SEMA6D: variants seen among roughly 807,000 people sequenced by gnomAD.
SEMA6D encodes semaphorin 6D.
SEMA6D carries 35 observed loss-of-function variants against 106.6 expected under a neutral mutation model. The observed-to-expected ratio is 0.33, with a 90% CI of 0.25 to 0.44. SEMA6D has a LOEUF of 0.44. Among genes scored for constraint, SEMA6D ranks in the 20% least tolerant of loss-of-function variants. The pLI, the probability that SEMA6D is intolerant of heterozygous loss-of-function variation, is 1.00. For synonymous variants in SEMA6D, 499 were observed against 487.7 expected (o/e 1.02, Z -0.31); for missense variants, 1,185 against 1,345.9 (o/e 0.88, Z 1.87).
At chr15:47,228,304 T>G (rs776158424) in intron 1 of SEMA6D, among the ~76,000 whole-genome samples, 1 of 151,800 alleles carries the variant, frequency 6.6e-6, no homozygotes, top group Non-Finnish European at 1.5e-5. Context: ...AAGACAAATG[T>G]AGATTACTCC....
chr15:47,546,052 A>G (rs2045512322), intron 3 of SEMA6D, among the ~76,000 whole-genome samples: 1 of 152,156 alleles, frequency 6.6e-6, no homozygotes, highest in Non-Finnish European at 1.5e-5. Context: ...GCTAGAGTGC[A>G]TTTATGCATA....
chr15:47,662,857 G>GCACACACA (rs140613951), intron 4 of SEMA6D, among the ~76,000 whole-genome samples: 1,704 of 134,122 alleles, frequency 0.013, 37 homozygotes, highest in African/African-American at 0.039. Flanking sequence ...GTGTATGAGC[G>GCACACACA]CACACACACA....
intron 3 of SEMA6D, among the ~76,000 whole-genome samples, chr15:47,537,305 A>T (rs951484323): frequency 6.6e-6 from 1 of 152,212 alleles, no homozygotes; most frequent in African/African-American, 2.4e-5. Flanking sequence ...TAAAGAACAA[A>T]TACAACTTGT....
intron 1 of SEMA6D, among the ~76,000 whole-genome samples, chr15:47,339,791 G>A (rs2037735195): frequency 6.6e-6 from 1 of 152,002 alleles, no homozygotes; most frequent in African/African-American, 2.4e-5. Flanking sequence ...CCTAGGAGGT[G>A]GAGGTTGTAG....
chr15:47,423,436 A>G (rs910802307), intron 2 of SEMA6D, among the ~76,000 whole-genome samples: 1 of 152,072 alleles, frequency 6.6e-6, no homozygotes, highest in African/African-American at 2.4e-5. Flanking sequence ...GTTGTTCTGA[A>G]TCTGCCTTCT....
intron 4 of SEMA6D, among the ~76,000 whole-genome samples, chr15:47,642,025 A>G (rs981039361): frequency 3.3e-5 from 5 of 152,188 alleles, no homozygotes; most frequent in African/African-American, 1.2e-4. Flanking sequence ...ATCTGCCACA[A>G]GGTAGCCACT....
chr15:47,567,485 C>G (rs1326119577), intron 3 of SEMA6D, among the ~76,000 whole-genome samples: 1 of 152,170 alleles, frequency 6.6e-6, no homozygotes, highest in Admixed American at 6.5e-5. Flanking sequence ...TCCTCATTAT[C>G]TTTGCTCTCA....
rs1170703058 is a variant in SEMA6D, at chr15:47,598,600, TA to T, written c.-86-2261del. Among the ~76,000 whole-genome samples the T allele has an allele frequency of 5.9e-5, 9 of 152,250 alleles. No homozygotes were observed. In the South Asian group the frequency reaches 1.7e-3, roughly 28 times the overall value. On this transcript the variant is annotated intron_variant, in intron 3 of 19. Transcript: ENST00000558014. ...TCCTACATTAGTTCATCTCTCTGCATAAAAGCGTCTTCACCTGAAAAAATTA... is the reference window on the plus strand; with the variant it reads ...TCCTACATTAGTTCATCTCTCTGCATAAAGCGTCTTCACCTGAAAAAATTA...
intron 4 of SEMA6D, among the ~76,000 whole-genome samples, chr15:47,639,273 G>A (rs984047112): frequency 6.6e-6 from 1 of 152,166 alleles, no homozygotes; most frequent in Non-Finnish European, 1.5e-5. Context: ...TGCCAAAGGA[G>A]CACAGCATGT....
intron 1 of SEMA6D, among the ~76,000 whole-genome samples, chr15:47,391,873 T>C (rs2040045982): frequency 6.6e-6 from 1 of 152,182 alleles, no homozygotes; most frequent in Non-Finnish European, 1.5e-5. Flanking sequence ...TATTCATATT[T>C]ACACTTTCCC....
In SEMA6D at chr15:47,561,870, C is replaced by G. The variant is rs1331070047; in HGVS notation, c.-86-38995C>G. 4.6e-5 allele frequency among the ~76,000 whole-genome samples: 7 copies of G among 151,780 alleles called. No individual in the cohort carries two copies. The East Asian group carries it at 1.3e-3, about 29-fold the overall frequency. On this transcript the variant is annotated intron_variant, in intron 3 of 19. Transcript: ENST00000558014. The stretch of plus-strand genomic sequence containing the variant: ...GCAAAGTTGCCATGTTTTACCAACT[C>G]TAAGTTAGTATTTTTCTAAACTATA...
intron 1 of SEMA6D, among the ~76,000 whole-genome samples, chr15:47,319,251 T>G (rs1908793): frequency 6.6e-6 from 1 of 151,994 alleles, no homozygotes; most frequent in Non-Finnish European, 1.5e-5. Flanking sequence ...ATATTAATCA[T>G]AGTTGTTTTA....
At position 47,760,316 on chromosome 15, in the gene SEMA6D, A is replaced by G. The variant is rs776803173; in HGVS notation, c.122A>G (p.Tyr41Cys). ...NTVDYHYSRQ[Y>C]PVFRGRPSGN... ...TTTTTACTTGCAGATTCAAGGCAATATCCGGTTTTTAGAGGACGCCCTTCA... is the reference window on the plus strand; with the variant it reads ...TTTTTACTTGCAGATTCAAGGCAATGTCCGGTTTTTAGAGGACGCCCTTCA... Residue 41 changes from tyrosine (Y) to cysteine (C), a missense_variant, in exon 3 of 19, where the codon TAT (tyrosine) becomes TGT (cysteine). By Grantham distance (194) the Tyr-to-Cys change is radical. Coordinates refer to ENST00000536845, the MANE Select transcript of SEMA6D (RefSeq NM_001358351.3). 3 of 1,613,296 alleles carry G rather than the reference A, an allele frequency of 1.9e-6. No homozygotes were observed. The highest frequency in any genetic ancestry group is 2.5e-6 in the Non-Finnish European group (3 of 1,179,448).
intron 4 of SEMA6D, among the ~76,000 whole-genome samples, chr15:47,652,719 C>G (rs2077716992): frequency 6.6e-6 from 1 of 152,192 alleles, no homozygotes. Flanking sequence ...CTAAAGAAAG[C>G]AAGGTCCAAA....
At chr15:47,745,522 C>A (rs971055844) in intron 1 of SEMA6D, among the ~76,000 whole-genome samples, 7 of 152,352 alleles carry the variant, frequency 4.6e-5, no homozygotes, top group Middle Eastern at 3.4e-3. Flanking sequence ...GCTTAATACC[C>A]TCTTGGTCTT....
chr15:47,207,993 GCACACACACACACACACACACACACACA>G (rs57079521), intron 1 of SEMA6D, among the ~76,000 whole-genome samples: 49 of 89,458 alleles, frequency 5.5e-4, no homozygotes, highest in South Asian at 4.9e-3. Context: ...TGGCGCGCGC[GCACACACACACACACACACACACACACA>G]CACACACACA....
At chr15:47,640,863 T>A (rs2077476078) in intron 4 of SEMA6D, among the ~76,000 whole-genome samples, 1 of 152,092 alleles carries the variant, frequency 6.6e-6, no homozygotes, top group Non-Finnish European at 1.5e-5. Flanking sequence ...TACATACCTT[T>A]TTTTTTTTAA....
chr15:47,402,690 G>A (rs2040434964), intron 1 of SEMA6D, among the ~76,000 whole-genome samples: 1 of 147,734 alleles, frequency 6.8e-6, no homozygotes, highest in South Asian at 2.1e-4. Context: ...TTATTATACT[G>A]TCATTTGTTT....
chr15:47,685,543 A>G (rs534797440), intron 4 of SEMA6D, among the ~76,000 whole-genome samples: 1 of 152,148 alleles, frequency 6.6e-6, no homozygotes, highest in African/African-American at 2.4e-5. Context: ...ATATTTATCA[A>G]ACTTTGCCCA....
Sources: gnomAD v4.1 joint callset for allele counts (sites outside exome capture counted in the v4.1 genomes callset) on GRCh38, gnomAD v4.1.1 for gene constraint, MANE v1.5 for transcripts, NCBI Gene and HGNC (gene_info 2026-07-23, HGNC 2026-07-21) for gene names.